SERGEF: variants seen among roughly 807,000 people sequenced by gnomAD.
SERGEF encodes secretion-regulating guanine nucleotide exchange factor.
A neutral mutation model predicts 50.0 loss-of-function variants in SERGEF; 51 were observed. The observed-to-expected ratio is 1.02, with a 90% CI of 0.81 to 1.29. The LOEUF (loss-of-function observed/expected upper bound fraction) is 1.29, where lower values mean the gene tolerates loss of function less well. Ranked by LOEUF, SERGEF falls within the 50% of genes most tolerant of loss-of-function variation. SERGEF has a pLI of 0.00. For missense variants in SERGEF, 521 were observed against 557.0 expected, an observed-to-expected ratio of 0.94 and a Z score of 0.65; for synonymous variants, 205 against 212.4, an observed-to-expected ratio of 0.97 and a Z score of 0.30.
chr11:17,813,764 C>G (rs897039580), intron 10 of SERGEF, among the ~76,000 whole-genome samples: 1 of 152,186 alleles, frequency 6.6e-6, no homozygotes. Context: ...AATGCAACAC[C>G]GCAAACATTA....
At chr11:17,835,629 A>G (rs1198096998) in intron 10 of SERGEF, among the ~76,000 whole-genome samples, 1 of 152,232 alleles carries the variant, frequency 6.6e-6, no homozygotes, top group Non-Finnish European at 1.5e-5. Context: ...CCTTGCTCAT[A>G]GCAGATGTCA....
chr11:17,956,638 G>A (rs1039217362), intron 9 of SERGEF, among the ~76,000 whole-genome samples: 3 of 151,990 alleles, frequency 2.0e-5, no homozygotes, highest in African/African-American at 2.4e-5. Context: ...CTCCTGCTTG[G>A]CTATCCTTCT....
chr11:17,941,447 T>C (rs766854131), intron 9 of SERGEF, among the ~76,000 whole-genome samples: 2 of 152,222 alleles, frequency 1.3e-5, no homozygotes, highest in Non-Finnish European at 2.9e-5. Flanking sequence ...ATCTATGTTG[T>C]AGTATATGTC....
At chr11:17,977,385 A>T (rs2133986273) in intron 8 of SERGEF, among the ~76,000 whole-genome samples, 1 of 152,334 alleles carries the variant, frequency 6.6e-6, no homozygotes, top group East Asian at 1.9e-4. Flanking sequence ...TTCCTGGAAG[A>T]AAGAACTGCT....
At chr11:17,936,513 T>C (rs1294249525) in intron 9 of SERGEF, among the ~76,000 whole-genome samples, 1 of 152,240 alleles carries the variant, frequency 6.6e-6, no homozygotes, top group Non-Finnish European at 1.5e-5. Flanking sequence ...TGTGTTTTCA[T>C]ATTCATTATT....
chr11:17,856,135 T>G (rs189900650), intron 10 of SERGEF: 2 of 152,434 alleles, frequency 1.3e-5, no homozygotes, highest in East Asian at 3.9e-4. Flanking sequence ...TAGGAATGTC[T>G]TCAGACTACC....
In SERGEF at chr11:17,993,508, A is replaced by G. The variant is rs765183272; in HGVS notation, c.623-515T>C. On this transcript the variant is annotated intron_variant, in intron 6 of 10. Transcript: ENST00000265965. Reference sequence around the variant, plus strand: ...AAATAACCCCAAGCCTCCTAAGAATACACAATCAGAACCAGATTCTGAACT... The same window carrying G: ...AAATAACCCCAAGCCTCCTAAGAATGCACAATCAGAACCAGATTCTGAACT... 4.1e-4 allele frequency among the ~76,000 whole-genome samples: 63 copies of G among 152,310 alleles called. 1 individual carries two copies. Among genetic ancestry groups the G allele is most frequent in the Admixed American group, 5.2e-4 (8 of 15,308 alleles).
intron 9 of SERGEF, among the ~76,000 whole-genome samples, chr11:17,908,310 G>A (rs560182365): frequency 6.6e-6 from 1 of 152,140 alleles, no homozygotes; most frequent in Non-Finnish European, 1.5e-5. Context: ...GCAGTTTCCT[G>A]AATGTGCAGC....
At chr11:17,893,269 T>C (rs1367978231) in intron 9 of SERGEF, among the ~76,000 whole-genome samples, 1 of 152,190 alleles carries the variant, frequency 6.6e-6, no homozygotes, top group African/African-American at 2.4e-5. Context: ...AAAAGCCTGG[T>C]CCAAGGTCTG....
At chr11:17,833,656 G>A (rs894828414) in intron 10 of SERGEF, among the ~76,000 whole-genome samples, 2 of 152,226 alleles carry the variant, frequency 1.3e-5, no homozygotes, top group Non-Finnish European at 2.9e-5. Flanking sequence ...CAAATCCACA[G>A]GGGTGGAGCT....
intron 4 of SERGEF, among the ~76,000 whole-genome samples, chr11:18,002,690 T>C (rs1285248265): frequency 1.3e-5 from 2 of 152,218 alleles, no homozygotes; most frequent in Non-Finnish European, 2.9e-5. Context: ...TCTGACATGG[T>C]ATTACATTTA....
intron 8 of SERGEF, among the ~76,000 whole-genome samples, chr11:17,970,935 C>T (rs913783670): frequency 6.6e-6 from 1 of 152,128 alleles, no homozygotes; most frequent in African/African-American, 2.4e-5. Context: ...TGGCTCACAC[C>T]TGTAATCCCA....
chr11:17,881,267 C>G (rs1471734252), intron 9 of SERGEF, among the ~76,000 whole-genome samples: 1 of 152,216 alleles, frequency 6.6e-6, no homozygotes, highest in East Asian at 1.9e-4. Context: ...GGGGCTGTGA[C>G]TGTAGAGCTG....
chr11:17,840,185 G>A (rs1200425318), intron 10 of SERGEF, among the ~76,000 whole-genome samples: 1 of 152,166 alleles, frequency 6.6e-6, no homozygotes, highest in Non-Finnish European at 1.5e-5. Flanking sequence ...TCCCCTGAGT[G>A]CCTAAACTGG....
At chr11:17,871,295 C>T (rs1409757627) in intron 10 of SERGEF, among the ~76,000 whole-genome samples, 2 of 151,904 alleles carry the variant, frequency 1.3e-5, no homozygotes, top group Non-Finnish European at 1.5e-5. Context: ...CCCGTCTCTA[C>T]TAAAAAATAC....
At chr11:17,831,411 G>T (rs1326267547) in intron 10 of SERGEF, among the ~76,000 whole-genome samples, 1 of 152,196 alleles carries the variant, frequency 6.6e-6, no homozygotes, top group Admixed American at 6.5e-5. Context: ...AGGATGGGAG[G>T]CAAGTCACAT....
chr11:17,942,814 G>T (rs1354337825), intron 9 of SERGEF, among the ~76,000 whole-genome samples: 1 of 152,074 alleles, frequency 6.6e-6, no homozygotes, highest in East Asian at 1.9e-4. Context: ...ACAAATAAAT[G>T]TTAAATTTTG....
intron 8 of SERGEF, among the ~76,000 whole-genome samples, chr11:17,973,089 C>T (rs879937689): frequency 6.6e-6 from 1 of 151,988 alleles, no homozygotes; most frequent in African/African-American, 2.4e-5. Flanking sequence ...ACTCACAGTA[C>T]CCAAGCTGAA....
intron 10 of SERGEF, among the ~76,000 whole-genome samples, chr11:17,825,839 A>G (rs1245779943): frequency 6.6e-6 from 1 of 152,224 alleles, no homozygotes; most frequent in Non-Finnish European, 1.5e-5. Flanking sequence ...ATACAGAAAG[A>G]TGAAACATCA....
Sources: allele counts gnomAD v4.1 joint callset (sites outside exome capture counted in the v4.1 genomes callset), GRCh38; gene constraint gnomAD v4.1.1; transcripts MANE v1.5; gene names NCBI Gene and HGNC (gene_info 2026-07-23, HGNC 2026-07-21).